Variants in PRORP observed in about 807,000 individuals in gnomAD.
The protein encoded by PRORP is protein only RNase P catalytic subunit.
PRORP carries 51 observed loss-of-function variants against 59.4 expected under a neutral mutation model. That is an observed-to-expected ratio of 0.86 (90% CI 0.69 to 1.08). PRORP has a LOEUF of 1.08. Ranked by LOEUF, PRORP falls within the 50% of genes least tolerant of loss-of-function variation. The pLI is 0.00. For missense variants in PRORP, 646 were observed against 690.3 expected (o/e 0.94, Z 0.72); for synonymous variants, 231 against 245.6 (o/e 0.94, Z 0.55).
intron 5 of PRORP, among the ~76,000 whole-genome samples, chr14:35,250,784 C>T (rs938203848): frequency 1.3e-5 from 2 of 152,090 alleles, no homozygotes; most frequent in African/African-American, 2.4e-5. Flanking sequence ...GAGAACTTGC[C>T]TTGAGAGCCA....
chr14:35,270,919 T>G (rs1397572088), intron 7 of PRORP, among the ~76,000 whole-genome samples: 1 of 150,742 alleles, frequency 6.6e-6, no homozygotes, highest in Non-Finnish European at 1.5e-5. Flanking sequence ...CCGTCTCTAC[T>G]AAAAGTACAA....
chr14:35,272,094 G>A (rs1439616191), intron 7 of PRORP, among the ~76,000 whole-genome samples: 2 of 151,778 alleles, frequency 1.3e-5, no homozygotes, highest in Non-Finnish European at 1.5e-5. Flanking sequence ...ATTTCAGTTA[G>A]ATAAGAGGAA....
intron 5 of PRORP, among the ~76,000 whole-genome samples, chr14:35,226,120 T>G (rs2049927759): frequency 6.6e-6 from 1 of 152,232 alleles, no homozygotes; most frequent in Non-Finnish European, 1.5e-5. Flanking sequence ...GACCCTCTGT[T>G]GTTAATATTT....
intron 5 of PRORP, among the ~76,000 whole-genome samples, chr14:35,198,725 C>T (rs868763658): frequency 9.2e-5 from 14 of 152,270 alleles, no homozygotes; most frequent in South Asian, 6.2e-4. Context: ...GAATTGCCTT[C>T]GATGTCTGTT....
chr14:35,134,360 G>T (rs1479212555), intron 4 of PRORP, among the ~76,000 whole-genome samples: 2 of 152,128 alleles, frequency 1.3e-5, no homozygotes, highest in Non-Finnish European at 2.9e-5. Context: ...CCTGGCCTGG[G>T]ACTCACCCTT....
chr14:35,133,508 C>A (rs1031647652), intron 4 of PRORP, among the ~76,000 whole-genome samples: 3 of 152,134 alleles, frequency 2.0e-5, no homozygotes, highest in Non-Finnish European at 2.9e-5. Flanking sequence ...GTATTGTTCC[C>A]TGCTGCCTTA....
rs151002136 is a variant in PRORP, at chr14:35,206,132, T to A, written c.1275+25355T>A. Among the ~76,000 whole-genome samples, 15 of 152,376 alleles carry A rather than the reference T, an allele frequency of 9.8e-5. No individual in the cohort carries two copies. In the East Asian group the frequency reaches 1.2e-3, roughly 12 times the overall value. ...TGCATTTTCAGACTTGCAGAATGTT[T>A]GGTGACTCCTTTTAGTCTGTGTTTT... On this transcript the variant is annotated intron_variant, in intron 5 of 7. Transcript: ENST00000534898.
intron 5 of PRORP, chr14:35,222,827 A>C (rs948959957): frequency 2.0e-5 from 3 of 152,210 alleles, no homozygotes; most frequent in African/African-American, 7.2e-5. Flanking sequence ...CACTCTTCAC[A>C]TTTATCCTGT....
chr14:35,239,673 A>G (rs1257483233), intron 5 of PRORP, among the ~76,000 whole-genome samples: 2 of 152,230 alleles, frequency 1.3e-5, no homozygotes, highest in Admixed American at 1.3e-4. Flanking sequence ...GTTGCCTGCA[A>G]GCATTCTGTG....
rs2051152254 is a variant in PRORP, at chr14:35,270,305, C to T, written c.1425-96C>T. The stretch of plus-strand genomic sequence containing the variant: ...ATCATGTTGGTCAAGAAATCAGAGG[C>T]ACCTCCAAGGAAAGTAAGTAAAAAG... On this transcript the variant is annotated intron_variant, in intron 6 of 7. Coordinates refer to ENST00000534898, the MANE Select transcript of PRORP (RefSeq NM_014672.4). 22 of 1,163,686 alleles carry T rather than the reference C, an allele frequency of 1.9e-5. No individual in the cohort carries two copies. In the South Asian group the frequency reaches 3.1e-4, roughly 16 times the overall value. The allele number at this position is 1,163,686 out of a possible 1,614,324, so 72.1% of individuals were successfully genotyped here.
At chr14:35,145,071 A>G (rs935894558) in intron 4 of PRORP, among the ~76,000 whole-genome samples, 1 of 145,222 alleles carries the variant, frequency 6.9e-6, no homozygotes, top group Non-Finnish European at 1.5e-5. Flanking sequence ...CCCAGGCTCA[A>G]GTGATCCTCT....
intron 5 of PRORP, among the ~76,000 whole-genome samples, chr14:35,256,964 CT>C (rs1368496076): frequency 6.6e-6 from 1 of 151,142 alleles, no homozygotes; most frequent in Non-Finnish European, 1.5e-5. Context: ...CCTCCTCCTC[CT>C]AGGTTCAAGC....
chr14:35,206,282 G>C (rs1387512110), intron 5 of PRORP, among the ~76,000 whole-genome samples: 2 of 152,202 alleles, frequency 1.3e-5, no homozygotes, highest in Non-Finnish European at 2.9e-5. Flanking sequence ...CATTAGCTGG[G>C]AGAGGAGTGA....
intron 5 of PRORP, among the ~76,000 whole-genome samples, chr14:35,206,040 C>T (rs1184193961): frequency 6.6e-6 from 1 of 152,136 alleles, no homozygotes; most frequent in African/African-American, 2.4e-5. Flanking sequence ...GAAATCGCAA[C>T]ATCCAGCATG....
chr14:35,260,373 G>T (rs2050873240), intron 5 of PRORP, among the ~76,000 whole-genome samples: 1 of 152,210 alleles, frequency 6.6e-6, no homozygotes, highest in South Asian at 2.1e-4. Context: ...GAAAAGTCTT[G>T]ATAATACTAT....
At chr14:35,263,150 A>T (rs2050947995) in intron 5 of PRORP, 4 of 741,630 alleles carry the variant, frequency 5.4e-6, no homozygotes, top group Non-Finnish European at 6.5e-6. Context: ...ATAAAATAAA[A>T]ATACATAGGA....
At chr14:35,267,714 G>A (rs2051078563) in intron 6 of PRORP, among the ~76,000 whole-genome samples, 2 of 152,062 alleles carry the variant, frequency 1.3e-5, no homozygotes, top group Non-Finnish European at 2.9e-5. Context: ...CCGGGAGGCG[G>A]AGCTTGCAGT....
intron 4 of PRORP, among the ~76,000 whole-genome samples, chr14:35,162,036 T>C (rs1194547777): frequency 6.6e-6 from 1 of 152,088 alleles, no homozygotes; most frequent in East Asian, 1.9e-4. Context: ...TTATCTTCTT[T>C]CTCCTTCCTC....
intron 4 of PRORP, among the ~76,000 whole-genome samples, chr14:35,155,281 A>G (rs1006112753): frequency 6.6e-6 from 1 of 152,186 alleles, no homozygotes; most frequent in Non-Finnish European, 1.5e-5. Flanking sequence ...TAACTGGGAA[A>G]TAGGGGATGG....
Sources: gnomAD v4.1 joint callset for allele counts (sites outside exome capture counted in the v4.1 genomes callset) on GRCh38, gnomAD v4.1.1 for gene constraint, MANE v1.5 for transcripts, NCBI Gene and HGNC (gene_info 2026-07-23, HGNC 2026-07-21) for gene names.